The following LY6D variants were observed in gnomAD, a reference collection of about 807,000 sequenced individuals.
LY6D encodes the protein lymphocyte antigen 6 family member D.
In LY6D, 7 loss-of-function variants were observed where a neutral mutation model predicts 5.6. That is an observed-to-expected ratio of 1.24 (90% CI 0.71 to 2.34). The LOEUF (loss-of-function observed/expected upper bound fraction) is 2.34. Ranked by LOEUF, LY6D falls within the 30% of genes most tolerant of loss-of-function variation. The pLI is 0.00. For synonymous variants in LY6D, 81 were observed against 75.0 expected (o/e 1.08, Z -0.41); for missense variants, 148 against 164.8 (o/e 0.90, Z 0.56).
chr8:142,785,779 G>C, intron 1 of LY6D, 92 bp from the exon 2 acceptor site: 1 of 1,540,654 alleles, frequency 6.5e-7, no homozygotes. Context: ...GACCCCTCCT[G>C]GACAGAGGCC....
At chr8:142,786,316 G>T (rs1815654269) in intron 1 of LY6D, 149 bp downstream of exon 1, 1 of 1,374,416 alleles carries the variant, frequency 7.3e-7, no homozygotes, top group Non-Finnish European at 9.4e-7. Context: ...TAAGATTCGG[G>T]CTCCATGTTG....
rs1815650096 is a variant in LY6D at position 142,786,099 on chromosome 8, G to C, written c.52+366C>G. ...GCTTGGCTGCTCTGAGCCTATGACA[G>C]GAAGGGCTTGGTGGCCTTTGGGCTG... On this transcript the variant is annotated intron_variant, in intron 1 of 2. Transcript: ENST00000301263. The C allele has an allele frequency of 3.3e-6, 4 of 1,197,522 alleles. No homozygotes were observed. In the South Asian group the frequency reaches 1.1e-4, roughly 31 times the overall value. The allele number at this position is 1,197,522 out of a possible 1,614,324, so 74.2% of individuals were successfully genotyped here. A position where few individuals can be genotyped will look rare whatever the true frequency, so the allele number is the denominator to read the frequency against.
intron 1 of LY6D, chr8:142,786,120 G>A: frequency 8.3e-7 from 1 of 1,202,094 alleles, no homozygotes; most frequent in Non-Finnish European, 1.0e-6. Context: ...GTGGCCTTTG[G>A]GCTGTCCTGG....
At chr8:142,786,430 G>GCC in intron 1 of LY6D, 35 bp downstream of exon 1, 1 of 1,434,860 alleles carries the variant, frequency 7.0e-7, no homozygotes, top group Non-Finnish European at 9.4e-7. Context: ...GGCCACAGCC[G>GCC]CCCACCCGCC....
At chr8:142,786,434 A>ACCCCCATG in intron 1 of LY6D, 31 bp downstream of exon 1, 1 of 1,213,286 alleles carries the variant, frequency 8.2e-7, no homozygotes, top group Non-Finnish European at 1.1e-6. Flanking sequence ...ACAGCCGCCC[A>ACCCCCATG]CCCGCCCGTC....
Position 142,784,989 on chromosome 8 carries a change from C to A in LY6D, c.*232G>T. On this transcript the variant is annotated 3_prime_UTR_variant, in exon 3 of 3. Coordinates refer to ENST00000301263, the MANE Select transcript of LY6D (RefSeq NM_003695.3). ...GATCCACAGGGCTTCTGTCCTCCAC[C>A]TTCCATGCAGCTGGGGGCTGCATCC... 1 of 538,182 alleles carries A rather than the reference C, an allele frequency of 1.9e-6. No individual in the cohort carries two copies. Among genetic ancestry groups the A allele is most frequent in the Non-Finnish European group, 3.3e-6 (1 of 302,448 alleles). 33.3% of individuals were successfully genotyped at this position (538,182 alleles called of 1,614,324 possible).
rs562216603 is a variant in LY6D, at chr8:142,785,596, C to T, written c.144G>A (p.Thr48=). 1.4e-5 allele frequency: 22 copies of T among 1,613,508 alleles called. No individual in the cohort carries two copies. Among genetic ancestry groups the T allele is most frequent in the South Asian group, 1.3e-4 (12 of 91,068 alleles). The change falls in exon 2 of 3, where the codon ACG becomes ACA. Residue 48 remains threonine (T), a synonymous_variant. Transcript: ENST00000301263. ...TGGACAGATGCTACCCACCTGTGTTCGTGGTCTTGCAGAAGCGAGAGCTGG... is the reference window on the plus strand; with the variant it reads ...TGGACAGATGCTACCCACCTGTGTTTGTGGTCTTGCAGAAGCGAGAGCTGG... ...CPASSRFCKT[T]NTVEPLRGNL...
Position 142,785,143 on chromosome 8 carries a change from T to G in LY6D, c.*78A>C. 12 of 1,173,826 alleles carry G rather than the reference T, an allele frequency of 1.0e-5. No homozygotes were observed. The highest frequency in any genetic ancestry group is 1.5e-5 in the South Asian group (1 of 65,780). The allele number at this position is 1,173,826 out of a possible 1,614,324, so 72.7% of individuals were successfully genotyped here. A position where few individuals can be genotyped will look rare whatever the true frequency, so the allele number is the denominator to read the frequency against. ...CAGCCTGGGGCTCCTGGCACCCCCG[T>G]TGCGGCTGGGGAAGAGAGGTGTGGA... On this transcript the variant is annotated 3_prime_UTR_variant, in exon 3 of 3. Coordinates refer to ENST00000301263, the MANE Select transcript of LY6D (RefSeq NM_003695.3).
Position 142,784,936 on chromosome 8 carries a change from A to G in LY6D, c.*285T>C, listed in dbSNP as rs578018759. ...GATTTGAGTACAAAAATAAACGGCA[A>G]CAAAACAGAAGGAGTGTGAAATCCG... is the stretch of plus-strand genomic sequence containing the variant. On this transcript the variant is annotated 3_prime_UTR_variant, in exon 3 of 3. Transcript: ENST00000301263. 9 of 457,380 alleles carry G rather than the reference A, an allele frequency of 2.0e-5. No individual in the cohort carries two copies. In the East Asian group the frequency reaches 2.6e-4, roughly 13 times the overall value. 28.3% of individuals were successfully genotyped at this position (457,380 alleles called of 1,614,324 possible).
Position 142,785,401 on chromosome 8 carries a change from G to C in LY6D, c.207C>G (p.Pro69=). 1 of 1,613,564 alleles carries C rather than the reference G, an allele frequency of 6.2e-7. No homozygotes were observed. The highest frequency in any genetic ancestry group is 8.5e-7 in the Non-Finnish European group (1 of 1,179,960). The part of the protein sequence containing the change: ...VKKDCAESCT[P]SYTLQGQVSS... ...TGACCTGGCCTTGCAGGGTGTAGCT[G>C]GGTGTGCACGACTCCGCACAGTCCT... is the stretch of plus-strand genomic sequence containing the variant. Residue 69 remains proline, a synonymous_variant, in exon 3 of 3, where the codon CCC becomes CCG. Coordinates refer to ENST00000301263, the MANE Select transcript of LY6D (RefSeq NM_003695.3).
rs146644183 is a variant in LY6D at position 142,785,321 on chromosome 8, A to G, written c.287T>C (p.Leu96Pro). The change falls in exon 3 of 3, where the codon CTG becomes CCG. Residue 96 changes from leucine (L) to proline (P), a missense_variant. Transcript: ENST00000301263. The stretch of plus-strand genomic sequence containing the variant: ...GGTGCGGGTGGGTGCAGCGTTGTGC[A>G]GCTTCTCATTGCACAGGTCCTCCTG... ...CCQEDLCNEKLHNAAPTRTAL... is the reference protein window; with the variant it reads ...CCQEDLCNEKPHNAAPTRTAL... 878 of 1,613,778 alleles carry G rather than the reference A, an allele frequency of 5.4e-4. 1 individual carries two copies. The African/African-American group carries it at 0.011, about 19-fold the overall frequency.
At chr8:142,786,398 C>T (rs1815655509) in intron 1 of LY6D, 67 bp downstream of exon 1, 31 of 1,501,316 alleles carry the variant, frequency 2.1e-5, no homozygotes, top group East Asian at 1.0e-4. Flanking sequence ...GCTCCAGGCT[C>T]CTAGTATTTG....
At position 142,785,295 on chromosome 8, in the gene LY6D, C is replaced by T. The variant is rs148991426; in HGVS notation, c.313G>A (p.Ala105Thr). Residue 105 changes from alanine (A) to threonine (T), a missense_variant, in exon 3 of 3, where the codon GCC becomes ACC. Transcript: ENST00000301263. ...AGGCTGAGGGCACTGTGGGCGAGGG[C>T]GGTGCGGGTGGGTGCAGCGTTGTGC... is the stretch of plus-strand genomic sequence containing the variant. ...KLHNAAPTRT[A>T]LAHSALSLGL... The T allele has an allele frequency of 1.4e-4, 225 of 1,613,396 alleles. No individual in the cohort carries two copies. Among genetic ancestry groups the T allele is most frequent in the African/African-American group, 3.3e-4 (25 of 75,006 alleles).
chr8:142,785,846 G>A, intron 1 of LY6D, 159 bp from the exon 2 acceptor site: 1 of 1,444,110 alleles, frequency 6.9e-7, no homozygotes. Context: ...CAGGGCATGT[G>A]CCCTGAGTGC....
At chr8:142,786,020 G>A in intron 1 of LY6D, 1 of 1,236,594 alleles carries the variant, frequency 8.1e-7, no homozygotes, top group Non-Finnish European at 1.0e-6. Flanking sequence ...TGTCCCTGGA[G>A]GAGATGGCTA....
At position 142,785,335 on chromosome 8, in the gene LY6D, C is replaced by T. The variant is rs1225474827; in HGVS notation, c.273G>A (p.Leu91=). The change falls in exon 3 of 3, where the codon CTG becomes CTA. Residue 91 remains leucine (L), a synonymous_variant. Coordinates refer to ENST00000301263, the MANE Select transcript of LY6D (RefSeq NM_003695.3). The part of the protein sequence containing the change: ...TSSTQCCQED[L]CNEKLHNAAP... ...CAGCGTTGTGCAGCTTCTCATTGCA[C>T]AGGTCCTCCTGGCAGCACTGGGTGG... is the stretch of plus-strand genomic sequence containing the variant. 9 of 1,613,684 alleles carry T rather than the reference C, an allele frequency of 5.6e-6. No homozygotes were observed. The highest frequency in any genetic ancestry group is 7.6e-6 in the Non-Finnish European group (9 of 1,179,964).
rs765812220 is a variant in LY6D at position 142,785,323 on chromosome 8, CT to C, written c.284del (p.Lys95SerfsTer23). The C allele has an allele frequency of 1.2e-6, 2 of 1,613,736 alleles. No individual in the cohort carries two copies. The highest frequency in any genetic ancestry group is 1.7e-6 in the Non-Finnish European group (2 of 1,179,912). ...TGCGGGTGGGTGCAGCGTTGTGCAG[CT>C]TCTCATTGCACAGGTCCTCCTGGCA... Reference protein sequence around the residue: ...QCCQEDLCNEKLHNAAPTRTA... With the variant: ...QCCQEDLCNEXLHNAAPTRTA... On this transcript the variant is annotated frameshift_variant, in exon 3 of 3. Transcript: ENST00000301263. LOFTEE classifies it low-confidence loss of function (END_TRUNC).
Position 142,785,309 on chromosome 8 carries a change from GC to G in LY6D, c.298del (p.Ala100HisfsTer18), listed in dbSNP as rs761185629. 6.2e-6 allele frequency: 10 copies of G among 1,613,684 alleles called. No individual in the cohort carries two copies. Among genetic ancestry groups the G allele is most frequent in the Non-Finnish European group, 8.5e-6 (10 of 1,179,932 alleles). On this transcript the variant is annotated frameshift_variant, in exon 3 of 3. Transcript: ENST00000301263. LOFTEE classifies it low-confidence loss of function (END_TRUNC). ...GTGGGCGAGGGCGGTGCGGGTGGGT[GC>G]AGCGTTGTGCAGCTTCTCATTGCAC... ...DLCNEKLHNA[A>X]PTRTALAHSA...
At chr8:142,786,439 C>A in intron 1 of LY6D, 26 bp downstream of exon 1, 1 of 1,528,378 alleles carries the variant, frequency 6.5e-7, no homozygotes, top group Non-Finnish European at 8.8e-7. Flanking sequence ...CGCCCACCCG[C>A]CCGTCCCCTT....
Sources: allele counts gnomAD v4.1 joint callset, GRCh38; gene constraint gnomAD v4.1.1; transcripts MANE v1.5; gene names NCBI Gene and HGNC (gene_info 2026-07-23, HGNC 2026-07-21).